The following PTPN5 variants were observed in gnomAD, a reference collection of about 807,000 sequenced individuals.
PTPN5 encodes protein tyrosine phosphatase non-receptor type 5.
In PTPN5, 29 loss-of-function variants were observed where a neutral mutation model predicts 73.9. That is an observed-to-expected ratio of 0.39 (90% CI 0.29 to 0.54). PTPN5 has a LOEUF of 0.54. PTPN5 is among the 20% of genes least tolerant of loss of function. The probability of loss-of-function intolerance (pLI) is 0.65; values close to 1 mark genes in which losing one functional copy is unlikely to be tolerated. For synonymous variants in PTPN5, 267 were observed against 304.7 expected, an observed-to-expected ratio of 0.88 and a Z score of 1.29; for missense variants, 652 against 751.4, an observed-to-expected ratio of 0.87 and a Z score of 1.55.
rs2134193796 is a variant in PTPN5 at position 18,733,317 on chromosome 11, G to A, written c.1136C>T (p.Thr379Met). The change falls in exon 11 of 15, where the codon ACG becomes ATG. Residue 379 changes from threonine (T) to methionine (M), a missense_variant. Physicochemically the swap from Thr to Met is moderately conservative, Grantham distance 81 (BLOSUM62 -1). Transcript: ENST00000358540. This position sits in a 1 kb window ranked among gnomAD's most constrained non-coding sequence, Gnocchi z 4.3. Reference protein sequence around the residue: ...YIATQGPIVSTVADFWRMVWQ... With the variant: ...YIATQGPIVSMVADFWRMVWQ... ...CACCATGCGCCAGAAGTCGGCGACC[G>A]TGCTGACGATGGGTCCCTGAGTGGC... 1 of 1,614,110 alleles carries A rather than the reference G, an allele frequency of 6.2e-7. No homozygotes were observed. The highest frequency in any genetic ancestry group is 8.5e-7 in the Non-Finnish European group (1 of 1,180,014).
intron 9 of PTPN5, among the ~76,000 whole-genome samples, chr11:18,737,134 A>T (rs1291020832): frequency 6.6e-6 from 1 of 152,218 alleles, no homozygotes; most frequent in Non-Finnish European, 1.5e-5. Flanking sequence ...TCAACGCCCA[A>T]GCTAGCCCTG....
intron 12 of PTPN5, 120 bp downstream of exon 12, chr11:18,732,472 G>A: frequency 1.4e-6 from 1 of 729,666 alleles, no homozygotes; most frequent in South Asian, 1.7e-5. Context: ...CAGAAAATCT[G>A]GGAGTGACAC....
chr11:18,753,833 C>T (rs375624912), intron 3 of PTPN5, among the ~76,000 whole-genome samples: 1 of 152,084 alleles, frequency 6.6e-6, no homozygotes, highest in East Asian at 1.9e-4. Context: ...TGCTGTGCAG[C>T]CCTTAGGAGC....
intron 3 of PTPN5, among the ~76,000 whole-genome samples, chr11:18,760,505 G>T (rs1850339331): frequency 6.6e-6 from 1 of 152,248 alleles, no homozygotes; most frequent in Non-Finnish European, 1.5e-5. Context: ...GTTGGGGACA[G>T]GTTGCAAGAC....
At chr11:18,779,121 G>GC (rs1056774872) in intron 1 of PTPN5, among the ~76,000 whole-genome samples, 1 of 152,124 alleles carries the variant, frequency 6.6e-6, no homozygotes, top group African/African-American at 2.4e-5. Context: ...AACTAGAGGG[G>GC]CCCCTAGCTC....
At chr11:18,730,013 G>C in intron 12 of PTPN5, 195 bp from the exon 13 acceptor site, 1 of 677,428 alleles carries the variant, frequency 1.5e-6, no homozygotes, top group Non-Finnish European at 2.6e-6. Flanking sequence ...GGTTTTGGGG[G>C]TTGGTCAGCA....
chr11:18,743,921 A>AG (rs1849492221), intron 4 of PTPN5, 85 bp downstream of exon 4: 17 of 1,466,452 alleles, frequency 1.2e-5, no homozygotes, highest in Non-Finnish European at 1.4e-5. Context: ...CCTGCCTTCC[A>AG]GGTGGCCATC....
rs111579099 is a variant in PTPN5 at position 18,742,351 on chromosome 11, G to A, written c.636C>T (p.Pro212=). The A allele has an allele frequency of 1.8e-4, 285 of 1,614,086 alleles. 2 individuals are homozygous for A. In the Middle Eastern group the frequency reaches 3.8e-3, roughly 21 times the overall value. Residue 212 remains proline, a synonymous_variant, in exon 7 of 15, where the codon CCC becomes CCT. Coordinates refer to ENST00000358540, the MANE Select transcript of PTPN5 (RefSeq NM_006906.2). This position sits in a 1 kb window ranked among gnomAD's most constrained non-coding sequence, Gnocchi z 4.1. ...TCACACAATCAAACACAGGAGTCTC[G>A]GGCACCGGGTCGAGGTCCAGGAAGT... ...EDDFLDLDPV[P]ETPVFDCVMD... is the part of the protein sequence containing the mutation.
At chr11:18,754,538 G>A (rs897488934) in intron 3 of PTPN5, among the ~76,000 whole-genome samples, 1 of 152,148 alleles carries the variant, frequency 6.6e-6, no homozygotes, top group East Asian at 1.9e-4. Context: ...TCAGCCCCAT[G>A]TTTCCACCTG....
At chr11:18,743,805 G>T in intron 4 of PTPN5, 1 of 617,178 alleles carries the variant, frequency 1.6e-6, no homozygotes, top group Non-Finnish European at 2.7e-6. Flanking sequence ...GAGGCAGGGT[G>T]TGAGGTCTCA....
At position 18,729,585 on chromosome 11, in the gene PTPN5, G is replaced by A. The variant is rs781362346; in HGVS notation, c.1491-19C>T. On this transcript the variant is annotated intron_variant, in intron 13 of 14. Coordinates refer to ENST00000358540, the MANE Select transcript of PTPN5 (RefSeq NM_006906.2). The surrounding 1 kb of genome is among the most constrained non-coding windows in gnomAD (Gnocchi z 5.2). The stretch of plus-strand genomic sequence containing the variant: ...CCCTGCACTGAGGGCCGAGGGGACC[G>A]GTGGGGTGAGGGGCAGGGCAGCCCA... The A allele has an allele frequency of 1.1e-5, 17 of 1,570,148 alleles. No homozygotes were observed. Among genetic ancestry groups the A allele is most frequent in the Middle Eastern group, 1.9e-4 (1 of 5,158 alleles).
At chr11:18,757,428 T>C (rs544926728) in intron 3 of PTPN5, among the ~76,000 whole-genome samples, 1 of 152,332 alleles carries the variant, frequency 6.6e-6, no homozygotes, top group East Asian at 1.9e-4. Context: ...CCATCAGGTA[T>C]GCTCCTCCTC....
intron 1 of PTPN5, among the ~76,000 whole-genome samples, chr11:18,774,984 T>C (rs1851077194): frequency 6.6e-6 from 1 of 152,168 alleles, no homozygotes; most frequent in African/African-American, 2.4e-5. Context: ...GACAGTATCT[T>C]CACAACAGAA....
Position 18,733,676 on chromosome 11 carries a change from T to G in PTPN5, c.1001-41A>C. On this transcript the variant is annotated intron_variant, in intron 9 of 14. Coordinates refer to ENST00000358540, the MANE Select transcript of PTPN5 (RefSeq NM_006906.2). This position sits in a 1 kb window ranked among gnomAD's most constrained non-coding sequence, Gnocchi z 4.3. ...ACAAGTAAGGCTGGAAACTGGGCCC[T>G]CTGGTGCAGGACCCACTTGCTCTGG... 6.3e-7 allele frequency: 1 copy of G among 1,576,532 alleles called. No homozygotes were observed. Among genetic ancestry groups the G allele is most frequent in the Non-Finnish European group, 8.7e-7 (1 of 1,145,872 alleles).
At chr11:18,756,224 G>A (rs1850127282) in intron 3 of PTPN5, among the ~76,000 whole-genome samples, 1 of 151,352 alleles carries the variant, frequency 6.6e-6, no homozygotes, top group African/African-American at 2.4e-5. Context: ...CTGACATCTG[G>A]CTTATGTCTG....
chr11:18,754,168 C>T (rs540880158), intron 3 of PTPN5, among the ~76,000 whole-genome samples: 19 of 152,238 alleles, frequency 1.2e-4, no homozygotes, highest in South Asian at 1.0e-3. Flanking sequence ...ACCACCTTTT[C>T]CTCTCCAAGT....
At position 18,729,129 on chromosome 11, in the gene PTPN5, C is replaced by G; in HGVS notation, c.1605-102G>C. The G allele has an allele frequency of 7.9e-7, 1 of 1,266,564 alleles. No individual in the cohort carries two copies. Among genetic ancestry groups the G allele is most frequent in the Non-Finnish European group, 1.1e-6 (1 of 892,886 alleles). 78.5% of individuals were successfully genotyped at this position (1,266,564 alleles called of 1,614,324 possible). A position where few individuals can be genotyped will look rare whatever the true frequency, so the allele number is the denominator to read the frequency against. The stretch of plus-strand genomic sequence containing the variant: ...TAGCAATCACTTGCCAGGCCTTGCC[C>G]CTGTGCGTCTTGGAGAGACCAACCC... On this transcript the variant is annotated intron_variant, in intron 14 of 14. Transcript: ENST00000358540. The surrounding 1 kb of genome is among the most constrained non-coding windows in gnomAD (Gnocchi z 5.2).
At chr11:18,761,912 CTGTG>C (rs1196929982) in intron 3 of PTPN5, among the ~76,000 whole-genome samples, 1 of 152,174 alleles carries the variant, frequency 6.6e-6, no homozygotes, top group Non-Finnish European at 1.5e-5. Context: ...CCCTGCAGGG[CTGTG>C]TGAGACAGAG....
In PTPN5 at chr11:18,728,761, C is replaced by A. The variant is rs1848735734; in HGVS notation, c.*173G>T. The A allele has an allele frequency of 1.6e-6, 1 of 619,348 alleles. No individual in the cohort carries two copies. The highest frequency in any genetic ancestry group is 2.7e-6 in the Non-Finnish European group (1 of 369,824). The allele number at this position is 619,348 out of a possible 1,614,324, so 38.4% of individuals were successfully genotyped here. ...CCTGCCCCCCACTCCCCAATATGTA[C>A]AGTAGGAAGAGCAATGCTGGAGGGT... On this transcript the variant is annotated 3_prime_UTR_variant, in exon 15 of 15. Transcript: ENST00000358540. This position sits in a 1 kb window ranked among gnomAD's most constrained non-coding sequence, Gnocchi z 4.1.
Sources: gnomAD v4.1 joint callset for allele counts (sites outside exome capture counted in the v4.1 genomes callset) on GRCh38, gnomAD v4.1.1 for gene constraint, Gnocchi (gnomAD v3.1) non-coding constraint, MANE v1.5 for transcripts, NCBI Gene and HGNC (gene_info 2026-07-23, HGNC 2026-07-21) for gene names.